Variants in HERC1 observed in about 807,000 individuals in gnomAD.
The protein encoded by HERC1 is probable E3 ubiquitin-protein ligase HERC1.
Under a neutral mutation model 554.3 loss-of-function variants are expected in HERC1, and 160 were observed. That is an observed-to-expected ratio of 0.29 (90% confidence interval 0.25 to 0.33). The LOEUF is 0.33. HERC1 is among the 10% of genes least tolerant of loss of function. The pLI is 1.00. For missense variants in HERC1, 4,919 were observed against 5,918.5 expected, an observed-to-expected ratio of 0.83 and a Z score of 5.54; for synonymous variants, 2,175 against 2,131.7, an observed-to-expected ratio of 1.02 and a Z score of -0.56.
intron 1 of HERC1, among the ~76,000 whole-genome samples, chr15:63,807,597 T>C (rs1023144438): frequency 9.9e-5 from 15 of 152,228 alleles, no homozygotes; most frequent in African/African-American, 3.6e-4. Context: ...ATTTATTTCC[T>C]GTCAGGACCC....
At chr15:63,617,006 CTTT>C (rs569316030) in intron 74 of HERC1, among the ~76,000 whole-genome samples, 1 of 144,132 alleles carries the variant, frequency 6.9e-6, no homozygotes, top group Non-Finnish European at 1.5e-5. Context: ...AAATCATTAT[CTTT>C]TTTTTTTTTT....
chr15:63,720,897 C>T (rs1261525580), intron 19 of HERC1, among the ~76,000 whole-genome samples: 2 of 152,180 alleles, frequency 1.3e-5, no homozygotes, highest in Non-Finnish European at 2.9e-5. Flanking sequence ...TCCTTTAAAA[C>T]ACCTTCATTA....
At chr15:63,747,148 T>G in intron 11 of HERC1, 65 bp from the exon 12 acceptor site, 8 of 1,457,326 alleles carry the variant, frequency 5.5e-6, no homozygotes, top group Non-Finnish European at 7.5e-6. Flanking sequence ...CCAGTTTGGG[T>G]AACATTTTTA....
rs1477892365 is a variant in HERC1, at chr15:63,761,729, T to C, written c.1026+2367A>G. ...ACAGCAGTAATTATTTGTCTTATTT[T>C]AGGACTGCTGTTTATGTGTCTATGT... On this transcript the variant is annotated intron_variant, in intron 3 of 77. Transcript: ENST00000443617. Among the ~76,000 whole-genome samples, 6 of 152,378 alleles carry C rather than the reference T, an allele frequency of 3.9e-5. No homozygotes were observed. In the East Asian group the frequency reaches 1.2e-3, roughly 29 times the overall value.
intron 56 of HERC1, 126 bp downstream of exon 56, chr15:63,645,357 T>TG (rs2152858466): frequency 2.3e-5 from 17 of 729,524 alleles, no homozygotes; most frequent in Non-Finnish European, 3.6e-5. Context: ...TCTTATAATG[T>TG]TACACATTAT....
intron 70 of HERC1, among the ~76,000 whole-genome samples, chr15:63,626,935 T>C (rs1277088608): frequency 2.6e-5 from 4 of 152,196 alleles, no homozygotes; most frequent in Non-Finnish European, 4.4e-5. Flanking sequence ...GGTGCTATTA[T>C]TATCCTCATT....
chr15:63,724,290 G>A (rs1415311858), intron 18 of HERC1, among the ~76,000 whole-genome samples: 1 of 152,114 alleles, frequency 6.6e-6, no homozygotes, highest in Non-Finnish European at 1.5e-5. Flanking sequence ...TCATGTTAAA[G>A]ACCCCTTGAA....
intron 17 of HERC1, among the ~76,000 whole-genome samples, chr15:63,726,725 G>C (rs1567057598): frequency 6.6e-6 from 1 of 152,116 alleles, no homozygotes; most frequent in Non-Finnish European, 1.5e-5. Flanking sequence ...GGGCCAGATA[G>C]TTTCACAGAT....
chr15:63,710,241 A>G (rs2073225667), intron 24 of HERC1, among the ~76,000 whole-genome samples: 1 of 152,212 alleles, frequency 6.6e-6, no homozygotes, highest in Non-Finnish European at 1.5e-5. Flanking sequence ...GTAGGAAAGT[A>G]GCACAATCAG....
intron 1 of HERC1, among the ~76,000 whole-genome samples, chr15:63,801,994 C>T (rs781207821): frequency 2.0e-5 from 3 of 152,176 alleles, no homozygotes; most frequent in Non-Finnish European, 4.4e-5. Context: ...GAACTCTCGA[C>T]GTCTACCAAC....
At chr15:63,742,380 AGTGT>A (rs554177245) in intron 12 of HERC1, among the ~76,000 whole-genome samples, 5 of 152,182 alleles carry the variant, frequency 3.3e-5, no homozygotes, top group African/African-American at 1.2e-4. Context: ...GTTGTGTATG[AGTGT>A]GTGTGTGTTC....
intron 1 of HERC1, among the ~76,000 whole-genome samples, chr15:63,826,801 A>ATT (rs1567168233): frequency 1.2e-5 from 1 of 84,146 alleles, no homozygotes; most frequent in African/African-American, 5.2e-5. Flanking sequence ...AAAAAAAAAA[A>ATT]AAAAAAAAAA....
chr15:63,741,438 C>A (rs1368830183), intron 12 of HERC1, among the ~76,000 whole-genome samples: 4 of 151,950 alleles, frequency 2.6e-5, no homozygotes, highest in Non-Finnish European at 5.9e-5. Context: ...AATTCTCCTG[C>A]CTCAGCTGGG....
intron 18 of HERC1, 127 bp downstream of exon 18, chr15:63,725,165 G>T: frequency 1.3e-6 from 1 of 784,706 alleles, no homozygotes. Context: ...CATAGCCCCA[G>T]ATTCCCTACA....
chr15:63,637,704 C>T, intron 63 of HERC1, 61 bp from the exon 64 acceptor site: 1 of 1,346,462 alleles, frequency 7.4e-7, no homozygotes, highest in Non-Finnish European at 1.0e-6. Flanking sequence ...AACATGCAAG[C>T]ACTTGAAATG....
At chr15:63,747,915 G>C in intron 10 of HERC1, 57 bp from the exon 11 acceptor site, 1 of 1,477,844 alleles carries the variant, frequency 6.8e-7, no homozygotes. Context: ...TTTTATGCAC[G>C]ATCAAAAACG....
At chr15:63,789,169 C>A (rs1178375502) in intron 1 of HERC1, among the ~76,000 whole-genome samples, 1 of 125,104 alleles carries the variant, frequency 8.0e-6, no homozygotes, top group Non-Finnish European at 1.6e-5. Flanking sequence ...CGGCTCACTG[C>A]AAGCTCCGCC....
chr15:63,670,874 A>G (rs2070875561), intron 39 of HERC1, among the ~76,000 whole-genome samples: 1 of 151,998 alleles, frequency 6.6e-6, no homozygotes, highest in Non-Finnish European at 1.5e-5. Context: ...CTGGACAACA[A>G]AGCAAGATCC....
intron 76 of HERC1, among the ~76,000 whole-genome samples, chr15:63,613,993 T>C (rs1042276009): frequency 8.6e-5 from 13 of 151,952 alleles, no homozygotes; most frequent in Non-Finnish European, 1.5e-5. Flanking sequence ...ACAAAAGCTG[T>C]CTGGAAAAAA....
Sources: gnomAD v4.1 joint callset for allele counts (sites outside exome capture counted in the v4.1 genomes callset) on GRCh38, gnomAD v4.1.1 for gene constraint, MANE v1.5 for transcripts, NCBI Gene and HGNC (gene_info 2026-07-23, HGNC 2026-07-21) for gene names.